Variants in PCDHA4 observed in about 807,000 individuals in gnomAD.
PCDHA4 encodes protocadherin alpha-4.
In PCDHA4, 49 loss-of-function variants were observed where a neutral mutation model predicts 61.4. The ratio of observed to expected loss-of-function variants is 0.80; its 90% CI spans 0.63 to 1.01. PCDHA4 has a LOEUF of 1.01. PCDHA4 is among the 50% of genes least tolerant of loss of function. The pLI, the probability that PCDHA4 is intolerant of heterozygous loss-of-function variation, is 0.00. For missense variants in PCDHA4, 1,254 were observed against 1,235.8 expected (o/e 1.01, Z -0.22); for synonymous variants, 590 against 550.3 (o/e 1.07, Z -1.01).
intron 1 of PCDHA4, chr5:140,868,473 C>T (rs1740794532): frequency 6.6e-6 from 1 of 152,126 alleles, no homozygotes; most frequent in Non-Finnish European, 1.5e-5. Flanking sequence ...TTTTATAAAA[C>T]TTCAATTTTT....
At chr5:140,821,716 A>T in intron 1 of PCDHA4, 2 of 1,489,172 alleles carry the variant, frequency 1.3e-6, no homozygotes, top group Non-Finnish European at 1.8e-6. Context: ...TGGGAATTGA[A>T]TTTACAAAAT....
intron 1 of PCDHA4, chr5:140,821,636 AAAG>A (rs1425064126): frequency 3.9e-6 from 4 of 1,021,456 alleles, no homozygotes; most frequent in Non-Finnish European, 4.2e-6. Context: ...ACAGAAAGGA[AAAG>A]AACCTTCCAT....
At chr5:140,848,356 A>G in intron 1 of PCDHA4, 1 of 1,038,310 alleles carries the variant, frequency 9.6e-7, no homozygotes, top group Non-Finnish European at 1.4e-6. Context: ...CCCTTTTCCC[A>G]TGGGAAAGAG....
intron 1 of PCDHA4, among the ~76,000 whole-genome samples, chr5:140,910,150 T>G (rs555048323): frequency 6.6e-6 from 1 of 152,354 alleles, no homozygotes; most frequent in South Asian, 2.1e-4. Flanking sequence ...GGAAATTGAT[T>G]GAGGGGAAAT....
intron 1 of PCDHA4, chr5:140,823,465 C>G (rs1554129364): frequency 1.9e-6 from 3 of 1,613,368 alleles, no homozygotes; most frequent in South Asian, 1.1e-5. Flanking sequence ...CGCGCCGGCG[C>G]TGCTGGTGCC....
chr5:140,824,610 G>GTT (rs2150135229), intron 1 of PCDHA4: 11,616 of 94,826 alleles, frequency 0.12, 1,879 homozygotes, highest in Non-Finnish European at 0.13. Context: ...GCTAATTAAA[G>GTT]TTTTTTTTTT....
chr5:141,005,798 C>T (rs1236554438), intron 3 of PCDHA4, among the ~76,000 whole-genome samples: 1 of 143,634 alleles, frequency 7.0e-6, no homozygotes, highest in African/African-American at 2.6e-5. Context: ...GCAAAAACAA[C>T]TCCAAGGAGC....
In PCDHA4 at chr5:141,010,365, A is replaced by G; in HGVS notation, c.*428A>G. 6.8e-7 allele frequency: 1 copy of G among 1,480,028 alleles called. No individual in the cohort carries two copies. The highest frequency in any genetic ancestry group is 1.3e-5 in the South Asian group (1 of 75,134). The allele number at this position is 1,480,028 out of a possible 1,614,324, so 91.7% of individuals were successfully genotyped here. On this transcript the variant is annotated 3_prime_UTR_variant, in exon 4 of 4. Coordinates refer to ENST00000530339, the MANE Select transcript of PCDHA4 (RefSeq NM_018907.4). Reference sequence around the variant, plus strand: ...CTGGGTATGTGTGGCTACCGCGGGTATGCGAGTGCCAGATATTGGCTGAGA... The same window carrying G: ...CTGGGTATGTGTGGCTACCGCGGGTGTGCGAGTGCCAGATATTGGCTGAGA...
intron 1 of PCDHA4, chr5:140,836,538 A>T: frequency 6.2e-7 from 1 of 1,613,734 alleles, no homozygotes; most frequent in Non-Finnish European, 8.5e-7. Context: ...GCTGCTGTAC[A>T]CGGCGTTGCG....
intron 1 of PCDHA4, among the ~76,000 whole-genome samples, chr5:140,935,315 A>G (rs552631416): frequency 5.9e-5 from 9 of 152,306 alleles, no homozygotes; most frequent in East Asian, 5.8e-4. Context: ...AACTTCATCA[A>G]TCTTACATTC....
chr5:140,994,417 T>C (rs1401833924), intron 3 of PCDHA4, among the ~76,000 whole-genome samples: 1 of 152,078 alleles, frequency 6.6e-6, no homozygotes, highest in East Asian at 1.9e-4. Context: ...ATACTGGATA[T>C]TGAGGCCGGG....
chr5:140,927,349 G>A (rs782650880), intron 1 of PCDHA4: 3 of 1,614,016 alleles, frequency 1.9e-6, no homozygotes, highest in Admixed American at 1.7e-5. Context: ...AGATGACGAC[G>A]AGGGAAGCAA....
intron 1 of PCDHA4, chr5:140,928,484 G>A (rs1371678688): frequency 1.5e-5 from 25 of 1,614,026 alleles, no homozygotes; most frequent in African/African-American, 4.0e-5. Context: ...CGGGATGGTG[G>A]CATTCCTCCC....
intron 3 of PCDHA4, among the ~76,000 whole-genome samples, chr5:141,000,391 C>CTATATA (rs2097912428): frequency 7.1e-5 from 4 of 56,662 alleles, no homozygotes; most frequent in Non-Finnish European, 1.2e-4. Flanking sequence ...CTCTCTCTCT[C>CTATATA]TCTCTATATA....
At chr5:140,866,935 T>C (rs782742299) in intron 1 of PCDHA4, 3 of 152,114 alleles carry the variant, frequency 2.0e-5, no homozygotes, top group African/African-American at 4.8e-5. Context: ...GCGCATAATC[T>C]CTTCACTAGG....
intron 1 of PCDHA4, chr5:140,877,223 C>G: frequency 6.2e-7 from 1 of 1,613,714 alleles, no homozygotes; most frequent in Non-Finnish European, 8.5e-7. Flanking sequence ...GTACCGCGGT[C>G]GGTGGGTGCG....
rs782380359 is a variant in PCDHA4 at position 140,858,226 on chromosome 5, C to T, written c.2385+48654C>T. ...CACTGAGGTGCTCGGCGGCGCCCAC[C>T]GAGGGCGCATGTGGGCCGGTGAAGC... On this transcript the variant is annotated intron_variant, in intron 1 of 3. Transcript: ENST00000530339. 1.3e-5 allele frequency: 21 copies of T among 1,595,412 alleles called. 1 individual carries two copies. The highest frequency in any genetic ancestry group is 1.6e-5 in the Non-Finnish European group (19 of 1,165,410).
chr5:140,849,488 T>C, intron 1 of PCDHA4: 2 of 1,592,030 alleles, frequency 1.3e-6, no homozygotes, highest in South Asian at 1.1e-5. Flanking sequence ...CACCCCTGGC[T>C]GGTCATTGTA....
intron 1 of PCDHA4, chr5:140,928,911 A>G: frequency 6.2e-7 from 1 of 1,614,184 alleles, no homozygotes; most frequent in Non-Finnish European, 8.5e-7. Flanking sequence ...TCTGGGAACC[A>G]GGAGGGCAGC....
Sources: gnomAD v4.1 joint callset for allele counts (sites outside exome capture counted in the v4.1 genomes callset) on GRCh38, gnomAD v4.1.1 for gene constraint, MANE v1.5 for transcripts, NCBI Gene and HGNC (gene_info 2026-07-23, HGNC 2026-07-21) for gene names.